The following KDM8 variants were observed in gnomAD, a reference collection of about 807,000 sequenced individuals.
KDM8 encodes the protein bifunctional peptidase and arginyl-hydroxylase JMJD5.
KDM8 carries 35 observed loss-of-function variants against 46.9 expected under a neutral mutation model. The observed-to-expected ratio is 0.75, with a 90% confidence interval of 0.57 to 0.99. The LOEUF (loss-of-function observed/expected upper bound fraction) is 0.99, where lower values mean the gene tolerates loss of function less well. Ranked by LOEUF, KDM8 falls within the 50% of genes least tolerant of loss-of-function variation. The pLI, the probability that KDM8 is intolerant of heterozygous loss-of-function variation, is 0.00. For missense variants in KDM8, 475 were observed against 537.0 expected (o/e 0.88, Z 1.14); for synonymous variants, 232 against 227.7 (o/e 1.02, Z -0.17).
At chr16:27,213,916 G>T (rs368151184) in intron 3 of KDM8, 165 bp downstream of exon 3, 5 of 687,288 alleles carry the variant, frequency 7.3e-6, no homozygotes, top group South Asian at 4.4e-5. Context: ...AAAGTAAGGT[G>T]CTCTGAATTT....
Position 27,203,818 on chromosome 16 carries a change from C to T in KDM8, c.-32+182C>T, listed in dbSNP as rs1201207083. 10 of 405,306 alleles carry T rather than the reference C, an allele frequency of 2.5e-5. No individual in the cohort carries two copies. The East Asian group carries it at 3.1e-4, about 13-fold the overall frequency. 25.1% of individuals were successfully genotyped at this position (405,306 alleles called of 1,614,324 possible). On this transcript the variant is annotated intron_variant, in intron 1 of 7. Coordinates refer to ENST00000286096, the MANE Select transcript of KDM8 (RefSeq NM_024773.3). ...CATGCGCTCTGAGAATGCAATTTAG[C>T]TCGTCGCCGGCCTGCCCTGCGGGAG...
At chr16:27,213,293 C>A in intron 2 of KDM8, 1 of 272,788 alleles carries the variant, frequency 3.7e-6, no homozygotes, top group Non-Finnish European at 7.0e-6. Context: ...ATGAGAAGAC[C>A]TTAAGATGGT....
At chr16:27,216,628 G>T (rs112966676) in intron 5 of KDM8, among the ~76,000 whole-genome samples, 14,528 of 151,994 alleles carry the variant, frequency 0.096, 936 homozygotes, top group Middle Eastern at 0.18. Context: ...TGTATCTACT[G>T]CTGAAGCCAG....
chr16:27,215,274 A>T (rs1297989516), intron 4 of KDM8, among the ~76,000 whole-genome samples: 1 of 152,110 alleles, frequency 6.6e-6, no homozygotes, highest in Non-Finnish European at 1.5e-5. Context: ...AGTCTAGAGT[A>T]TGTGTATTTA....
chr16:27,204,224 G>C, intron 1 of KDM8: 2 of 1,438,058 alleles, frequency 1.4e-6, no homozygotes, highest in Non-Finnish European at 1.8e-6. Flanking sequence ...CTAAGGAAAG[G>C]TGCTTGTAGC....
chr16:27,216,088 A>T (rs919031843), intron 5 of KDM8, 99 bp downstream of exon 5: 2 of 1,304,830 alleles, frequency 1.5e-6, no homozygotes, highest in African/African-American at 2.9e-5. Flanking sequence ...CGTGAGTAGG[A>T]GGGAGGCAGC....
At chr16:27,209,794 G>A (rs2083462667) in intron 1 of KDM8, among the ~76,000 whole-genome samples, 1 of 152,198 alleles carries the variant, frequency 6.6e-6, no homozygotes, top group Non-Finnish European at 1.5e-5. Context: ...GGCTTTAAAG[G>A]TTGGGTAGGA....
intron 1 of KDM8, among the ~76,000 whole-genome samples, chr16:27,208,937 A>G (rs2083453258): frequency 6.6e-6 from 1 of 152,246 alleles, no homozygotes; most frequent in South Asian, 2.1e-4. Context: ...AAATGAACTC[A>G]TTATAAGCTC....
chr16:27,208,742 C>G (rs2083451024), intron 1 of KDM8, among the ~76,000 whole-genome samples: 1 of 152,186 alleles, frequency 6.6e-6, no homozygotes, highest in Admixed American at 6.5e-5. Context: ...GTGTCTTGTG[C>G]TGGCCTAGTG....
chr16:27,208,756 A>G (rs756628473), intron 1 of KDM8, among the ~76,000 whole-genome samples: 3 of 152,204 alleles, frequency 2.0e-5, no homozygotes, highest in Non-Finnish European at 4.4e-5. Context: ...CCTAGTGGAT[A>G]AGTCCATGCT....
intron 2 of KDM8, among the ~76,000 whole-genome samples, chr16:27,212,403 GC>G (rs921111119): frequency 2.0e-5 from 3 of 152,062 alleles, no homozygotes; most frequent in Non-Finnish European, 4.4e-5. Context: ...ACAGGGTCTT[GC>G]CCAGTCACCC....
chr16:27,218,145 G>A (rs775101810), intron 5 of KDM8, among the ~76,000 whole-genome samples: 3 of 152,030 alleles, frequency 2.0e-5, no homozygotes, highest in Non-Finnish European at 4.4e-5. Flanking sequence ...AGCCAGGCAC[G>A]GTGGCATGCT....
chr16:27,215,424 A>G (rs73525548), intron 4 of KDM8, among the ~76,000 whole-genome samples: 3,342 of 152,246 alleles, frequency 0.022, 133 homozygotes, highest in African/African-American at 0.075. Context: ...TATAAAAAAT[A>G]TAAAAATTAG....
chr16:27,205,413 G>C (rs772609269), intron 1 of KDM8, among the ~76,000 whole-genome samples: 3 of 152,094 alleles, frequency 2.0e-5, no homozygotes, highest in Admixed American at 1.3e-4. Context: ...CCACTCAAAA[G>C]CTGTTTTATG....
rs759535206 is a variant in KDM8 at position 27,210,371 on chromosome 16, C to A, written c.248C>A (p.Thr83Lys). ...TCCTGGGAGAAGCTCAACACGGGCA[C>A]ATGGCAGGACGTAGACAAAGACTGG... ...DYSWEKLNTG[T>K]WQDVDKDWRR... Residue 83 changes from threonine to lysine, a missense_variant, in exon 2 of 8, where the codon ACA becomes AAA. Coordinates refer to ENST00000286096, the MANE Select transcript of KDM8 (RefSeq NM_024773.3). The A allele has an allele frequency of 6.2e-7, 1 of 1,613,292 alleles. No individual in the cohort carries two copies. Among genetic ancestry groups the A allele is most frequent in the Admixed American group, 1.7e-5 (1 of 60,004 alleles).
intron 2 of KDM8, chr16:27,213,280 G>T: frequency 8.0e-6 from 2 of 249,294 alleles, no homozygotes; most frequent in East Asian, 1.1e-4. Flanking sequence ...GAAAAGAATA[G>T]GAATGAGAAG....
intron 1 of KDM8, among the ~76,000 whole-genome samples, chr16:27,207,094 T>C (rs1242757939): frequency 6.6e-6 from 1 of 152,138 alleles, no homozygotes; most frequent in Non-Finnish European, 1.5e-5. Context: ...CCCCCATCTA[T>C]AGGAAGGCCA....
At chr16:27,206,213 T>A in intron 1 of KDM8, 3 of 984,550 alleles carry the variant, frequency 3.0e-6, no homozygotes, top group Non-Finnish European at 3.6e-6. Context: ...ACACATCTTA[T>A]TCTTGACTCC....
chr16:27,214,756 AG>A, intron 3 of KDM8, 119 bp from the exon 4 acceptor site: 1 of 1,102,920 alleles, frequency 9.1e-7, no homozygotes, highest in South Asian at 1.4e-5. Context: ...TGGGGATGAC[AG>A]TCCTTGTCTC....
Sources: gnomAD v4.1 joint callset for allele counts (sites outside exome capture counted in the v4.1 genomes callset) on GRCh38, gnomAD v4.1.1 for gene constraint, MANE v1.5 for transcripts, NCBI Gene and HGNC (gene_info 2026-07-23, HGNC 2026-07-21) for gene names.